Variants in DAB1 observed in about 807,000 individuals in gnomAD.
The protein encoded by DAB1 is disabled homolog 1.
A neutral mutation model predicts 64.6 loss-of-function variants in DAB1; 15 were observed. The ratio of observed to expected loss-of-function variants is 0.23; its 90% confidence interval spans 0.16 to 0.36. The LOEUF is 0.36. Ranked by LOEUF, DAB1 falls within the 10% of genes least tolerant of loss-of-function variation. The pLI, the probability that DAB1 is intolerant of heterozygous loss-of-function variation, is 1.00. For missense variants in DAB1, 596 were observed against 706.7 expected, an observed-to-expected ratio of 0.84 and a Z score of 1.78; for synonymous variants, 235 against 251.9, an observed-to-expected ratio of 0.93 and a Z score of 0.64.
chr1:57,875,742 G>A (rs1231395781), intron 1 of DAB1, among the ~76,000 whole-genome samples: 10 of 152,172 alleles, frequency 6.6e-5, no homozygotes, highest in African/African-American at 1.4e-4. Context: ...CCAGGTTGCC[G>A]TATTCTGAAG....
rs530591262 is a variant in DAB1 at position 57,455,059 on chromosome 1, T to C, written n.626-163893A>G. On this transcript the variant is annotated intron_variant and non_coding_transcript_variant, in intron 7 of 20. Coordinates refer to the DAB1 transcript ENST00000485760. ...AGGAAGAGGAGACACAGAGTTGGAT[T>C]CAAAAGGTAAAAGGTAACCTCAACC... 2.0e-5 allele frequency among the ~76,000 whole-genome samples: 3 copies of C among 152,146 alleles called. No individual in the cohort carries two copies. In the East Asian group the frequency reaches 5.8e-4, roughly 29 times the overall value.
At chr1:58,423,855 C>T (rs553776639) in intron 3 of DAB1, among the ~76,000 whole-genome samples, 2 of 152,268 alleles carry the variant, frequency 1.3e-5, no homozygotes, top group Admixed American at 1.3e-4. Flanking sequence ...TTAACCTTGC[C>T]CACAGCTCTA....
At chr1:57,473,243 AG>A (rs1208729975) in intron 7 of DAB1, among the ~76,000 whole-genome samples, 2 of 152,240 alleles carry the variant, frequency 1.3e-5, no homozygotes, top group East Asian at 3.9e-4. Context: ...AGATGGGGAC[AG>A]TAATAGCTAC....
intron 7 of DAB1, among the ~76,000 whole-genome samples, chr1:57,546,341 C>T (rs1041060198): frequency 2.6e-5 from 4 of 152,160 alleles, no homozygotes; most frequent in African/African-American, 4.8e-5. Flanking sequence ...CTTAACATAG[C>T]AAGGTCTTTA....
In DAB1 at chr1:56,997,896, T is replaced by C. The variant is rs1645690199; in HGVS notation, c.*248A>G. On this transcript the variant is annotated 3_prime_UTR_variant, in exon 15 of 15. Coordinates refer to ENST00000371236, the MANE Select transcript of DAB1 (RefSeq NM_001365792.1). Reference sequence around the variant, plus strand: ...ATTTAATGTTGGGTGGATCTTTCTATACTTTTTTTGTGTGCTGCCATAGAT... The same window carrying C: ...ATTTAATGTTGGGTGGATCTTTCTACACTTTTTTTGTGTGCTGCCATAGAT... The C allele has an allele frequency of 6.6e-6, 1 of 151,868 alleles. No individual in the cohort carries two copies. The highest frequency in any genetic ancestry group is 2.4e-5 in the African/African-American group (1 of 40,896). The allele number at this position is 151,868 out of a possible 1,614,324, so 9.4% of individuals were successfully genotyped here. A position where few individuals can be genotyped will look rare whatever the true frequency, so the allele number is the denominator to read the frequency against.
At chr1:57,532,322 TC>T (rs1644674359) in intron 7 of DAB1, among the ~76,000 whole-genome samples, 1 of 13,428 alleles carries the variant, frequency 7.4e-5, no homozygotes, top group Non-Finnish European at 2.3e-4. Flanking sequence ...TGTAGGCTCT[TC>T]ATTCATTCAT....
rs547848703 is a variant in DAB1, at chr1:58,359,921, G to C, written n.258-16518C>G. On this transcript the variant is annotated intron_variant and non_coding_transcript_variant, in intron 3 of 20. Transcript: ENST00000485760. ...TTACTCTTTGAGGGATTTTAGGCAA[G>C]GTGATTCATCCTTCCTCGAGCTTCA... Among the ~76,000 whole-genome samples the C allele has an allele frequency of 1.1e-3, 170 of 152,286 alleles. 1 individual carries two copies. In the Middle Eastern group the frequency reaches 0.017, roughly 15 times the overall value.
chr1:58,137,078 T>G (rs1653988881), intron 5 of DAB1, among the ~76,000 whole-genome samples: 2 of 152,054 alleles, frequency 1.3e-5, no homozygotes, highest in Admixed American at 1.3e-4. Flanking sequence ...TTTCTCTGCT[T>G]TGGTCTCTAG....
At chr1:58,462,995 G>T (rs1295350523) in intron 3 of DAB1, among the ~76,000 whole-genome samples, 1 of 152,142 alleles carries the variant, frequency 6.6e-6, no homozygotes, top group Non-Finnish European at 1.5e-5. Flanking sequence ...TAGGATGATT[G>T]TAAGACTCAA....
intron 5 of DAB1, among the ~76,000 whole-genome samples, chr1:57,912,107 C>A (rs1428139584): frequency 2.0e-5 from 3 of 152,178 alleles, no homozygotes; most frequent in Non-Finnish European, 4.4e-5. Context: ...AATTCCACTT[C>A]TGCAAATCTT....
chr1:58,419,546 C>G (rs1644753316), intron 3 of DAB1, among the ~76,000 whole-genome samples: 1 of 152,076 alleles, frequency 6.6e-6, no homozygotes, highest in African/African-American at 2.4e-5. Context: ...AACTCTATTC[C>G]CAACTCTTCC....
intron 5 of DAB1, among the ~76,000 whole-genome samples, chr1:57,994,313 A>G (rs578173584): frequency 8.5e-5 from 13 of 152,354 alleles, no homozygotes; most frequent in Non-Finnish European, 1.5e-4. Flanking sequence ...AGAGGAAAGA[A>G]TCTGAGATCA....
intron 4 of DAB1, among the ~76,000 whole-genome samples, chr1:58,209,850 T>A (rs1297753128): frequency 1.3e-5 from 2 of 152,266 alleles, no homozygotes; most frequent in South Asian, 2.1e-4. Flanking sequence ...AAAATTGATA[T>A]GCAGACAATT....
At chr1:56,999,667 A>G (rs1289308618) in intron 14 of DAB1, among the ~76,000 whole-genome samples, 1 of 152,188 alleles carries the variant, frequency 6.6e-6, no homozygotes, top group East Asian at 1.9e-4. Context: ...GTACTGGCCC[A>G]TCATTGTACA....
chr1:57,930,812 C>T (rs947832375), intron 5 of DAB1, among the ~76,000 whole-genome samples: 2 of 152,098 alleles, frequency 1.3e-5, no homozygotes, highest in Non-Finnish European at 1.5e-5. Flanking sequence ...CAAACAAAGA[C>T]AGTTCTTTCT....
At chr1:57,453,280 G>A (rs372921082) in intron 7 of DAB1, among the ~76,000 whole-genome samples, 33 of 152,052 alleles carry the variant, frequency 2.2e-4, no homozygotes, top group South Asian at 6.2e-4. Context: ...TTACAAGCAC[G>A]GAAAAGATTT....
At chr1:58,151,457 T>C (rs1654933781) in intron 4 of DAB1, among the ~76,000 whole-genome samples, 1 of 152,226 alleles carries the variant, frequency 6.6e-6, no homozygotes, top group African/African-American at 2.4e-5. Flanking sequence ...TGAGAGCATT[T>C]TTTCATGTGT....
intron 1 of DAB1, among the ~76,000 whole-genome samples, chr1:57,379,789 T>C (rs909090877): frequency 4.6e-5 from 7 of 152,170 alleles, no homozygotes; most frequent in Non-Finnish European, 7.3e-5. Flanking sequence ...TCTCTCAGCA[T>C]TTTGCAAAGA....
intron 5 of DAB1, among the ~76,000 whole-genome samples, chr1:57,911,618 T>C (rs976321800): frequency 5.9e-5 from 9 of 152,268 alleles, no homozygotes; most frequent in African/African-American, 2.2e-4. Flanking sequence ...CCACTCAGCA[T>C]TCTCATCACC....
Sources: gnomAD v4.1 joint callset for allele counts (sites outside exome capture counted in the v4.1 genomes callset) on GRCh38, gnomAD v4.1.1 for gene constraint, MANE v1.5 for transcripts, NCBI Gene and HGNC (gene_info 2026-07-23, HGNC 2026-07-21) for gene names.